The following CPLANE1 variants were observed in gnomAD, a reference collection of about 807,000 sequenced individuals.
CPLANE1 encodes ciliogenesis and planar polarity effector 1.
Under a neutral mutation model 362.5 loss-of-function variants are expected in CPLANE1, and 263 were observed. That is an observed-to-expected ratio of 0.73 (90% confidence interval 0.66 to 0.80). The LOEUF (loss-of-function observed/expected upper bound fraction) is 0.80, where lower values mean the gene tolerates loss of function less well. Among genes scored for constraint, CPLANE1 ranks in the 30% least tolerant of loss-of-function variants. CPLANE1 has a pLI of 0.00. For synonymous variants in CPLANE1, 1,212 were observed against 1,302.6 expected (o/e 0.93, Z 1.50); for missense variants, 3,461 against 3,793.4 (o/e 0.91, Z 2.30).
chr5:37,139,938 G>T, intron 44 of CPLANE1: 1 of 984,286 alleles, frequency 1.0e-6, no homozygotes, highest in Non-Finnish European at 1.2e-6. Flanking sequence ...ACAGTTTAGA[G>T]TACTGGAGTG....
At chr5:37,231,519 A>G (rs544364052) in intron 8 of CPLANE1, among the ~76,000 whole-genome samples, 1 of 152,330 alleles carries the variant, frequency 6.6e-6, no homozygotes, top group East Asian at 1.9e-4. Flanking sequence ...GTGAGCCGAG[A>G]TCATACCACT....
chr5:37,151,860 G>A (rs1262287213), intron 42 of CPLANE1, among the ~76,000 whole-genome samples: 2 of 151,680 alleles, frequency 1.3e-5, no homozygotes, highest in East Asian at 1.9e-4. Context: ...ACTGGCCTGG[G>A]CAACATGGTG....
chr5:37,223,108 G>A (rs752260009), intron 14 of CPLANE1, among the ~76,000 whole-genome samples: 3 of 151,988 alleles, frequency 2.0e-5, no homozygotes, highest in Non-Finnish European at 2.9e-5. Context: ...TGATCCTACC[G>A]CCAATATCAC....
intron 18 of CPLANE1, 29 bp from the exon 19 acceptor site, chr5:37,201,837 G>GT: frequency 6.7e-7 from 1 of 1,485,160 alleles, no homozygotes; most frequent in Non-Finnish European, 9.3e-7. Context: ...TGGTAAAATA[G>GT]TTAAAGCTTG....
chr5:37,246,869 T>C (rs1390525275), intron 2 of CPLANE1, among the ~76,000 whole-genome samples: 1 of 152,124 alleles, frequency 6.6e-6, no homozygotes, highest in Non-Finnish European at 1.5e-5. Context: ...GAGGATGCCA[T>C]TGCGTCCAGC....
chr5:37,159,938 A>G (rs144776337), intron 38 of CPLANE1, among the ~76,000 whole-genome samples: 4 of 152,154 alleles, frequency 2.6e-5, no homozygotes, highest in Admixed American at 6.5e-5. Context: ...TAGCTTCCTT[A>G]TCTTGTAGTA....
In CPLANE1 at chr5:37,209,920, CT is replaced by C; in HGVS notation, c.2921-3496del. The C allele has an allele frequency of 2.1e-6, 3 of 1,400,146 alleles. No individual in the cohort carries two copies. Among genetic ancestry groups the C allele is most frequent in the Non-Finnish European group, 3.0e-6 (3 of 987,006 alleles). 86.7% of individuals were successfully genotyped at this position (1,400,146 alleles called of 1,614,324 possible). ...CTTATTGATGATCAGTTTGCAGATGCTTACCCTCAGCGTATCAAGTTTGAGT... is the reference window on the plus strand; with the variant it reads ...CTTATTGATGATCAGTTTGCAGATGCTACCCTCAGCGTATCAAGTTTGAGT... On this transcript the variant is annotated intron_variant, in intron 16 of 52. Transcript: ENST00000651892. This position sits in a 1 kb window ranked among gnomAD's most constrained non-coding sequence, Gnocchi z 4.6.
intron 8 of CPLANE1, among the ~76,000 whole-genome samples, chr5:37,232,446 A>AG (rs1797917956): frequency 1.3e-5 from 2 of 150,948 alleles, no homozygotes; most frequent in African/African-American, 2.4e-5. Flanking sequence ...GAACCCGAGA[A>AG]GCAGAGGTTG....
At chr5:37,193,730 TTTTTTG>T (rs1786337855) in intron 21 of CPLANE1, among the ~76,000 whole-genome samples, 1 of 151,916 alleles carries the variant, frequency 6.6e-6, no homozygotes, top group Non-Finnish European at 1.5e-5. Context: ...GGAACCTTGT[TTTTTTG>T]TTTTTGTTTT....
At chr5:37,217,391 A>G (rs1196751578) in intron 15 of CPLANE1, among the ~76,000 whole-genome samples, 1 of 152,024 alleles carries the variant, frequency 6.6e-6, no homozygotes, top group Admixed American at 6.6e-5. Context: ...GGATCACCTG[A>G]GGTCAGGAGT....
At position 37,169,439 on chromosome 5, in the gene CPLANE1, A is replaced by G; in HGVS notation, c.6585T>C (p.Thr2195=). The G allele has an allele frequency of 6.2e-7, 1 of 1,614,172 alleles. No homozygotes were observed. Among genetic ancestry groups the G allele is most frequent in the Non-Finnish European group, 8.5e-7 (1 of 1,180,028 alleles). The change falls in exon 34 of 53, where the codon ACT becomes ACC. Residue 2195 remains threonine, a synonymous_variant. Transcript: ENST00000651892. ...AAGGTGTGGACAAAAGGTAGAGGTG[A>G]GTATTTCCAGCAGGAGCTGGATAAA... is the stretch of plus-strand genomic sequence containing the variant. The part of the protein sequence containing the change: ...TSFYPAPAGN[T]HLYLLSTPSV...
intron 46 of CPLANE1, among the ~76,000 whole-genome samples, chr5:37,128,300 C>A (rs1355485218): frequency 2.0e-5 from 3 of 152,044 alleles, no homozygotes; most frequent in Non-Finnish European, 4.4e-5. Context: ...CTGATAGCCT[C>A]CAAATGTTTA....
At chr5:37,118,691 C>T (rs910625013) in intron 50 of CPLANE1, among the ~76,000 whole-genome samples, 1 of 151,348 alleles carries the variant, frequency 6.6e-6, no homozygotes, top group African/African-American at 2.4e-5. Context: ...GTAAACAGAA[C>T]CTGCCACATA....
intron 30 of CPLANE1, among the ~76,000 whole-genome samples, chr5:37,176,609 T>C (rs1781220083): frequency 6.6e-6 from 1 of 152,198 alleles, no homozygotes; most frequent in South Asian, 2.1e-4. Flanking sequence ...CTCTCTCTTC[T>C]TGGGTAATTT....
intron 34 of CPLANE1, 81 bp from the exon 35 acceptor site, chr5:37,167,294 T>C: frequency 9.1e-7 from 1 of 1,097,740 alleles, no homozygotes; most frequent in Non-Finnish European, 1.3e-6. Flanking sequence ...TGAGGAAAAA[T>C]ACATTTGTTT....
At chr5:37,203,316 CT>C (rs934580342) in intron 18 of CPLANE1, among the ~76,000 whole-genome samples, 104 of 152,244 alleles carry the variant, frequency 6.8e-4, no homozygotes, top group Admixed American at 2.9e-3. Flanking sequence ...TCTTTCAGGA[CT>C]TCTTACCATG....
chr5:37,200,537 T>C (rs1788848405), intron 19 of CPLANE1, among the ~76,000 whole-genome samples: 1 of 151,918 alleles, frequency 6.6e-6, no homozygotes, highest in East Asian at 1.9e-4. Flanking sequence ...ATAGGACAAA[T>C]GAGAAATAAA....
rs537587865 is a variant in CPLANE1 at position 37,196,505 on chromosome 5, C to T, written c.3673-509G>A. On this transcript the variant is annotated intron_variant, in intron 20 of 52. Transcript: ENST00000651892. Reference sequence around the variant, plus strand: ...ACAGAGTAAAAAGCTGAGGGGTTGACGGGGATACTTGATAGAGGGTGTGAC... The same window carrying T: ...ACAGAGTAAAAAGCTGAGGGGTTGATGGGGATACTTGATAGAGGGTGTGAC... Among the ~76,000 whole-genome samples, 11 of 152,160 alleles carry T rather than the reference C, an allele frequency of 7.2e-5. No individual in the cohort carries two copies. In the South Asian group the frequency reaches 1.7e-3, roughly 23 times the overall value.
downstream of CPLANE1, among the ~76,000 whole-genome samples, chr5:37,101,508 T>A (rs1416342259): frequency 2.0e-5 from 3 of 152,214 alleles, no homozygotes. Flanking sequence ...TTGCCAGTAT[T>A]AATGTTATTG....
Sources: gnomAD v4.1 joint callset for allele counts (sites outside exome capture counted in the v4.1 genomes callset) on GRCh38, gnomAD v4.1.1 for gene constraint, Gnocchi (gnomAD v3.1) non-coding constraint, MANE v1.5 for transcripts, NCBI Gene and HGNC (gene_info 2026-07-23, HGNC 2026-07-21) for gene names.